The following DACH2 variants were observed in gnomAD, a reference collection of about 807,000 sequenced individuals.
DACH2 encodes dachshund homolog 2.
In DACH2, 17 loss-of-function variants were observed where a neutral mutation model predicts 35.8. The observed-to-expected ratio is 0.48, with a 90% CI of 0.33 to 0.71. The LOEUF is 0.71. Ranked by LOEUF, DACH2 falls within the 30% of genes least tolerant of loss-of-function variation. DACH2 has a pLI of 0.02. For missense variants in DACH2, 469 were observed against 472.7 expected, an observed-to-expected ratio of 0.99 and a Z score of 0.07; for synonymous variants, 195 against 177.3, an observed-to-expected ratio of 1.10 and a Z score of -0.79.
At chrX:86,325,127 T>C (rs2035090768) in intron 1 of DACH2, among the ~76,000 whole-genome samples, 1 of 111,913 alleles carries the variant, frequency 8.9e-6, no homozygotes, top group Admixed American at 9.5e-5. Flanking sequence ...TATTGTGATA[T>C]TTACTTTTTT....
At chrX:86,230,867 TTC>T (rs1478473736) in intron 1 of DACH2, among the ~76,000 whole-genome samples, 1 of 112,277 alleles carries the variant, frequency 8.9e-6, no homozygotes, top group East Asian at 2.8e-4. Context: ...TATTTAAATT[TTC>T]TCTCTTTTTT....
chrX:86,348,001 A>T (rs2035525762), intron 1 of DACH2, among the ~76,000 whole-genome samples: 1 of 111,830 alleles, frequency 8.9e-6, no homozygotes, highest in Non-Finnish European at 1.9e-5. Flanking sequence ...TTATAAACAC[A>T]TAAGTCGTTG....
intron 2 of DACH2, among the ~76,000 whole-genome samples, chrX:86,453,096 GGTT>G (rs1226416104): frequency 9.0e-6 from 1 of 111,577 alleles, no homozygotes; most frequent in Non-Finnish European, 1.9e-5. Context: ...TTCAGGAGCA[GGTT>G]GTTCAATTTC....
At chrX:86,707,784 G>T (rs765636030) in intron 5 of DACH2, among the ~76,000 whole-genome samples, 1 of 107,214 alleles carries the variant, frequency 9.3e-6, no homozygotes, top group East Asian at 2.9e-4. Flanking sequence ...GTGTGGTGGC[G>T]TGCGCCTGTA....
At chrX:86,617,266 G>C (rs1394047715) in intron 3 of DACH2, among the ~76,000 whole-genome samples, 1 of 109,994 alleles carries the variant, frequency 9.1e-6, no homozygotes, top group Non-Finnish European at 1.9e-5. Context: ...TGTTGTTGTT[G>C]TTCCATACGA....
intron 6 of DACH2, among the ~76,000 whole-genome samples, chrX:86,720,994 A>G (rs2041399517): frequency 8.9e-6 from 1 of 112,332 alleles, no homozygotes; most frequent in Admixed American, 9.4e-5. Context: ...CATTGAACTG[A>G]GCTGTATATT....
intron 2 of DACH2, among the ~76,000 whole-genome samples, chrX:86,511,740 G>T (rs2038400202): frequency 9.0e-6 from 1 of 111,647 alleles, no homozygotes; most frequent in South Asian, 3.8e-4. Flanking sequence ...TACTGCCTAT[G>T]TGTGACTACA....
At chrX:86,745,924 C>T (rs967499614) in intron 7 of DACH2, among the ~76,000 whole-genome samples, 1 of 110,722 alleles carries the variant, frequency 9.0e-6, no homozygotes, top group Non-Finnish European at 1.9e-5. Flanking sequence ...TTAGTGATAC[C>T]CATTCTGATT....
At chrX:86,222,126 A>G (rs939177417) in intron 1 of DACH2, among the ~76,000 whole-genome samples, 1 of 112,329 alleles carries the variant, frequency 8.9e-6, no homozygotes. Context: ...TTTTTGGGAA[A>G]CACGATTTAG....
At chrX:86,294,188 T>G (rs1393271766) in intron 1 of DACH2, among the ~76,000 whole-genome samples, 1 of 111,851 alleles carries the variant, frequency 8.9e-6, no homozygotes, top group African/African-American at 3.3e-5. Context: ...CTTCCATCAC[T>G]GATACGCTTT....
intron 3 of DACH2, among the ~76,000 whole-genome samples, chrX:86,566,309 G>C (rs777390587): frequency 5.0e-4 from 56 of 111,506 alleles, no homozygotes; most frequent in Non-Finnish European, 9.8e-4. Flanking sequence ...AGGATTAAGT[G>C]TTTTTTATTC....
intron 1 of DACH2, among the ~76,000 whole-genome samples, chrX:86,283,099 A>G (rs2034068276): frequency 1.1e-5 from 1 of 94,144 alleles, no homozygotes. Context: ...AAAAGAAGAC[A>G]TTTATGTAGC....
At chrX:86,699,487 C>T (rs907178700) in intron 5 of DACH2, among the ~76,000 whole-genome samples, 11 of 111,334 alleles carry the variant, frequency 9.9e-5, no homozygotes, top group African/African-American at 3.6e-4. Context: ...GGGGCTTATC[C>T]TTATAAAACC....
intron 6 of DACH2, among the ~76,000 whole-genome samples, chrX:86,731,104 A>C (rs2041527956): frequency 9.0e-6 from 1 of 111,376 alleles, no homozygotes; most frequent in African/African-American, 3.3e-5. Flanking sequence ...ATGAAAGAAA[A>C]ATCTCTGATT....
chrX:86,548,426 G>A (rs2039004558), intron 3 of DACH2, among the ~76,000 whole-genome samples: 1 of 111,608 alleles, frequency 9.0e-6, no homozygotes, highest in African/African-American at 3.3e-5. Flanking sequence ...TTCAGAAAAC[G>A]GGAAATTGAT....
At chrX:86,503,355 AT>A (rs2038278221) in intron 2 of DACH2, among the ~76,000 whole-genome samples, 1 of 112,251 alleles carries the variant, frequency 8.9e-6, no homozygotes, top group Admixed American at 9.5e-5. Context: ...CATCAGGAAC[AT>A]ACCCATCCTA....
chrX:86,214,066 CCT>C lies in DACH2; in HGVS notation c.488+64961_488+64962del, dbSNP rs373506104. Among the ~76,000 whole-genome samples, 273 of 110,672 alleles carry C rather than the reference CCT, an allele frequency of 2.5e-3. 1 individual carries two copies. The highest frequency in any genetic ancestry group is 8.6e-3 in the African/African-American group (262 of 30,591). Reference sequence around the variant, plus strand: ...TTTTCAACATTTTTTTCCGAATTTTCCTCTTTTTATTCCCCTTCCTTATTTTC... The same window carrying C: ...TTTTCAACATTTTTTTCCGAATTTTCCTTTTTATTCCCCTTCCTTATTTTC... On this transcript the variant is annotated intron_variant, in intron 1 of 11. Coordinates refer to ENST00000373125, the MANE Select transcript of DACH2 (RefSeq NM_053281.3).
intron 1 of DACH2, among the ~76,000 whole-genome samples, chrX:86,190,407 C>T (rs1438332857): frequency 1.2e-4 from 13 of 111,271 alleles, no homozygotes; most frequent in African/African-American, 4.2e-4. Flanking sequence ...GGATGCTTTT[C>T]AGCAGACGTT....
At chrX:86,700,935 G>A (rs2041135250) in intron 5 of DACH2, among the ~76,000 whole-genome samples, 1 of 111,648 alleles carries the variant, frequency 9.0e-6, no homozygotes, top group African/African-American at 3.3e-5. Flanking sequence ...AGAAGGGCTG[G>A]TACCATTTAT....
Sources: gnomAD v4.1 joint callset for allele counts (sites outside exome capture counted in the v4.1 genomes callset) on GRCh38, gnomAD v4.1.1 for gene constraint, MANE v1.5 for transcripts, NCBI Gene and HGNC (gene_info 2026-07-23, HGNC 2026-07-21) for gene names.